Variants in PM20D2 observed in about 807,000 individuals in gnomAD.
PM20D2 encodes peptidase M20 domain containing 2.
A neutral mutation model predicts 42.9 loss-of-function variants in PM20D2; 33 were observed. That is an observed-to-expected ratio of 0.77 (90% CI 0.58 to 1.03). The LOEUF (loss-of-function observed/expected upper bound fraction) is 1.03. PM20D2 is among the 50% of genes least tolerant of loss of function. The pLI is 0.00. For synonymous variants in PM20D2, 250 were observed against 228.2 expected, an observed-to-expected ratio of 1.10 and a Z score of -0.86; for missense variants, 548 against 557.0, an observed-to-expected ratio of 0.98 and a Z score of 0.16.
chr6:89,108,697 G>C, the PM20D2 span, among the ~76,000 whole-genome samples: 1 of 152,196 alleles, frequency 6.6e-6, no homozygotes, highest in African/African-American at 2.4e-5. Flanking sequence ...AGAGGCAAAA[G>C]AAGCAACTTT....
intron 4 of PM20D2, among the ~76,000 whole-genome samples, chr6:89,157,050 G>A (rs570256187): frequency 6.6e-6 from 1 of 152,022 alleles, no homozygotes; most frequent in South Asian, 2.1e-4. Context: ...CTTATGGTAA[G>A]GTTTGTTGTT....
chr6:89,124,473 G>T, the PM20D2 span, among the ~76,000 whole-genome samples: 1 of 152,178 alleles, frequency 6.6e-6, no homozygotes, highest in African/African-American at 2.4e-5. Context: ...AGGTATTTCG[G>T]AGTAGTATGG....
chr6:89,114,291 G>A, the PM20D2 span, among the ~76,000 whole-genome samples: 1 of 152,136 alleles, frequency 6.6e-6, no homozygotes, highest in Non-Finnish European at 1.5e-5. Context: ...AGCCAGGCAT[G>A]GTGGCACACA....
At chr6:89,142,516 G>T (rs1434614870), upstream of PM20D2, among the ~76,000 whole-genome samples, 2 of 152,166 alleles carry the variant, frequency 1.3e-5, no homozygotes, top group African/African-American at 4.8e-5. Flanking sequence ...CTGAAACGAT[G>T]TAGGCTGGAT....
At chr6:89,105,694 C>T in the PM20D2 span, 1 of 457,676 alleles carries the variant, frequency 2.2e-6, no homozygotes, top group Non-Finnish European at 3.7e-6. Context: ...TTCACTTTTT[C>T]TCATGAAAAC....
chr6:89,135,545 A>G, the PM20D2 span, among the ~76,000 whole-genome samples: 1 of 151,378 alleles, frequency 6.6e-6, no homozygotes, highest in Non-Finnish European at 1.5e-5. Flanking sequence ...TCTTATTTCA[A>G]TGGCATATGA....
chr6:89,096,200 C>G, the PM20D2 span: 1 of 152,148 alleles, frequency 6.6e-6, no homozygotes, highest in Non-Finnish European at 1.5e-5. Flanking sequence ...AAAGCATATA[C>G]CTGTCAAAGA....
chr6:89,114,703 A>T, the PM20D2 span, among the ~76,000 whole-genome samples: 6 of 152,250 alleles, frequency 3.9e-5, no homozygotes, highest in African/African-American at 1.4e-4. Context: ...ATCAGAGATC[A>T]GGTGTCACCT....
At chr6:89,148,817 C>T (rs1469366594) in intron 1 of PM20D2, among the ~76,000 whole-genome samples, 3 of 152,302 alleles carry the variant, frequency 2.0e-5, no homozygotes, top group African/African-American at 7.2e-5. Context: ...AGAGATCACC[C>T]ACCTACCTCA....
chr6:89,130,816 CTTCTTTTTTT>C, the PM20D2 span, among the ~76,000 whole-genome samples: 1 of 50,938 alleles, frequency 2.0e-5, no homozygotes, highest in Non-Finnish European at 3.7e-5. Flanking sequence ...CTGGCTTCTT[CTTCTTTTTTT>C]TTTTTTTTTT....
At position 89,154,716 on chromosome 6, in the gene PM20D2, G is replaced by C. The variant is rs777369890; in HGVS notation, c.758-32G>C. On this transcript the variant is annotated intron_variant, in intron 3 of 6. Coordinates refer to ENST00000275072, the MANE Select transcript of PM20D2 (RefSeq NM_001010853.3). ...TTAAGCTTAAAGAAATGGTCACCAA[G>C]CTTAATTCTAGTAATTTGGTTCTTT... 3.5e-6 allele frequency: 5 copies of C among 1,435,056 alleles called. No homozygotes were observed. The African/African-American group carries it at 5.8e-5, about 17-fold the overall frequency. 88.9% of individuals were successfully genotyped at this position (1,435,056 alleles called of 1,614,324 possible).
the PM20D2 span, chr6:89,105,653 C>A: frequency 1.6e-6 from 1 of 642,108 alleles, no homozygotes; most frequent in Non-Finnish European, 2.5e-6. Context: ...CTCACATCTT[C>A]AATATAATAT....
At chr6:89,106,183 C>T in the PM20D2 span, among the ~76,000 whole-genome samples, 2 of 152,266 alleles carry the variant, frequency 1.3e-5, no homozygotes, top group African/African-American at 2.4e-5. Flanking sequence ...TGCAATGGCG[C>T]GATCTCAGCT....
the PM20D2 span, chr6:89,107,404 G>A: frequency 2.2e-5 from 14 of 632,074 alleles, no homozygotes; most frequent in Admixed American, 4.0e-4. Context: ...AATCATGCAA[G>A]GTTTTGAAAG....
chr6:89,107,237 C>T, the PM20D2 span: 1 of 1,614,054 alleles, frequency 6.2e-7, no homozygotes, highest in Non-Finnish European at 8.5e-7. Flanking sequence ...ATCGACCAAA[C>T]TCACGGCGCA....
chr6:89,104,114 G>A, the PM20D2 span, among the ~76,000 whole-genome samples: 14 of 145,566 alleles, frequency 9.6e-5, no homozygotes, highest in African/African-American at 3.6e-4. Flanking sequence ...TGAGATTATG[G>A]CACCTGGACA....
chr6:89,099,421 T>C, the PM20D2 span, among the ~76,000 whole-genome samples: 1 of 139,162 alleles, frequency 7.2e-6, no homozygotes, highest in South Asian at 2.4e-4. Flanking sequence ...TATACATATA[T>C]ATATGTGTGT....
the PM20D2 span, among the ~76,000 whole-genome samples, chr6:89,108,728 T>G: frequency 2.0e-5 from 3 of 152,142 alleles, no homozygotes; most frequent in Non-Finnish European, 2.9e-5. Flanking sequence ...AATGCAGTAT[T>G]TGAGGTGATG....
Position 89,165,290 on chromosome 6 carries a change from TA to T in PM20D2, c.*3028del, listed in dbSNP as rs1294149916. The T allele has an allele frequency of 6.6e-6, 1 of 152,200 alleles. No individual in the cohort carries two copies. The highest frequency in any genetic ancestry group is 2.4e-5 in the African/African-American group (1 of 41,462). The allele number at this position is 152,200 out of a possible 1,614,324, so 9.4% of individuals were successfully genotyped here. On this transcript the variant is annotated 3_prime_UTR_variant, in exon 7 of 7. Transcript: ENST00000275072. ...CCTACACAATACTAACCTTTAAAAC[TA>T]TCAAATTTTTGTTATAAGATAAATG...
Sources: gnomAD v4.1 joint callset for allele counts (sites outside exome capture counted in the v4.1 genomes callset) on GRCh38, gnomAD v4.1.1 for gene constraint, MANE v1.5 for transcripts, NCBI Gene and HGNC (gene_info 2026-07-23, HGNC 2026-07-21) for gene names.